NSMAF: variants seen among roughly 807,000 people sequenced by gnomAD.
NSMAF encodes protein FAN.
In NSMAF, 90 loss-of-function variants were observed where a neutral mutation model predicts 134.9. The ratio of observed to expected loss-of-function variants is 0.67; its 90% CI spans 0.56 to 0.79. The LOEUF (loss-of-function observed/expected upper bound fraction) is 0.79. Among genes scored for constraint, NSMAF ranks in the 30% least tolerant of loss-of-function variants. The pLI, the probability that NSMAF is intolerant of heterozygous loss-of-function variation, is 0.00. For synonymous variants in NSMAF, 358 were observed against 389.6 expected (o/e 0.92, Z 0.96); for missense variants, 1,010 against 1,119.0 (o/e 0.90, Z 1.39).
chr8:58,616,985 A>T (rs555748594), intron 9 of NSMAF, among the ~76,000 whole-genome samples: 1 of 152,308 alleles, frequency 6.6e-6, no homozygotes, highest in East Asian at 1.9e-4. Flanking sequence ...ATATCTAGGA[A>T]TATGTCCAAC....
intron 2 of NSMAF, among the ~76,000 whole-genome samples, chr8:58,637,680 G>A (rs1160463169): frequency 1.3e-5 from 2 of 152,078 alleles, no homozygotes; most frequent in Non-Finnish European, 2.9e-5. Context: ...ACAAAAAACA[G>A]CGTTGCATTT....
chr8:58,639,568 A>G (rs2129146898), intron 2 of NSMAF, among the ~76,000 whole-genome samples: 1 of 152,332 alleles, frequency 6.6e-6, no homozygotes, highest in Middle Eastern at 3.4e-3. Flanking sequence ...AACTAAAAAT[A>G]GAACTACCAT....
At chr8:58,592,288 G>T (rs935449141) in intron 23 of NSMAF, among the ~76,000 whole-genome samples, 1 of 151,964 alleles carries the variant, frequency 6.6e-6, no homozygotes, top group Non-Finnish European at 1.5e-5. Context: ...CAGCAGCCTG[G>T]GTTCATTTCT....
intron 6 of NSMAF, among the ~76,000 whole-genome samples, chr8:58,627,647 T>C (rs1806965877): frequency 6.6e-6 from 1 of 152,194 alleles, no homozygotes; most frequent in Non-Finnish European, 1.5e-5. Flanking sequence ...CTTATGGTTA[T>C]ACTTAACCAA....
intron 1 of NSMAF, among the ~76,000 whole-genome samples, chr8:58,655,024 A>G (rs1316003296): frequency 6.6e-6 from 1 of 151,838 alleles, no homozygotes; most frequent in African/African-American, 2.4e-5. Context: ...TTTTTAGTAG[A>G]GACAGGGTTT....
intron 1 of NSMAF, among the ~76,000 whole-genome samples, chr8:58,655,399 CT>C (rs200424193): frequency 0.15 from 21,762 of 144,740 alleles, 1,814 homozygotes; most frequent in East Asian, 0.36. Flanking sequence ...ATAGAAATGT[CT>C]TTTTTTTTTT....
Position 58,599,850 on chromosome 8 carries a change from A to T in NSMAF, c.1353T>A (p.Gly451=). ...TATTGACTAGAAAGCTCACATCATC[A>T]CCATAGAATTCTGGAATTAACTGAA... ...DFKELIPEFY[G]DDVSFLVNSL... The change falls in exon 18 of 31, where the codon GGT becomes GGA. Residue 451 remains glycine (G), a synonymous_variant. Transcript: ENST00000038176. 1 of 1,613,892 alleles carries T rather than the reference A, an allele frequency of 6.2e-7. No individual in the cohort carries two copies. Among genetic ancestry groups the T allele is most frequent in the Non-Finnish European group, 8.5e-7 (1 of 1,179,954 alleles).
chr8:58,586,082 A>T (rs1311925016), intron 28 of NSMAF, 82 bp from the exon 29 acceptor site: 1 of 1,075,334 alleles, frequency 9.3e-7, no homozygotes, highest in African/African-American at 1.5e-5. Context: ...TTCTGAGTCC[A>T]GTGGCCTAAT....
intron 16 of NSMAF, among the ~76,000 whole-genome samples, chr8:58,600,938 C>T (rs1806264909): frequency 6.6e-6 from 1 of 151,744 alleles, no homozygotes. Context: ...TCTAAATGCC[C>T]AACAATGGAG....
chr8:58,643,996 T>A (rs1697240680), intron 1 of NSMAF, among the ~76,000 whole-genome samples: 1 of 152,162 alleles, frequency 6.6e-6, no homozygotes, highest in African/African-American at 2.4e-5. Flanking sequence ...TTAAGAAAAA[T>A]TATTAATTTT....
chr8:58,610,807 G>A (rs556741637), intron 9 of NSMAF, among the ~76,000 whole-genome samples: 25 of 152,296 alleles, frequency 1.6e-4, no homozygotes, highest in African/African-American at 4.3e-4. Context: ...TCAGAAACCC[G>A]ATGGCTCAGT....
intron 7 of NSMAF, 119 bp downstream of exon 7, chr8:58,623,590 T>C: frequency 9.3e-7 from 1 of 1,070,276 alleles, no homozygotes. Context: ...ACATTTTAAG[T>C]CAATCTGCTA....
At chr8:58,619,837 T>C (rs1806742444) in intron 9 of NSMAF, among the ~76,000 whole-genome samples, 1 of 152,144 alleles carries the variant, frequency 6.6e-6, no homozygotes, top group South Asian at 2.1e-4. Context: ...CCCAGCACAA[T>C]TGCTTTTATG....
intron 9 of NSMAF, among the ~76,000 whole-genome samples, chr8:58,620,423 A>G (rs1292066674): frequency 1.3e-5 from 2 of 152,222 alleles, no homozygotes; most frequent in African/African-American, 4.8e-5. Context: ...CTAGTAGTAA[A>G]TAAGAGCTAG....
intron 6 of NSMAF, among the ~76,000 whole-genome samples, chr8:58,625,840 G>A (rs1806916931): frequency 1.3e-5 from 2 of 152,072 alleles, no homozygotes; most frequent in African/African-American, 4.8e-5. Flanking sequence ...TAGCTCATTT[G>A]TCCTCTTTTG....
At chr8:58,655,434 G>A (rs1807682348) in intron 1 of NSMAF, among the ~76,000 whole-genome samples, 1 of 147,816 alleles carries the variant, frequency 6.8e-6, no homozygotes, top group Non-Finnish European at 1.5e-5. Flanking sequence ...GGGTCTCACT[G>A]TGTCACCCAG....
intron 9 of NSMAF, among the ~76,000 whole-genome samples, chr8:58,615,327 C>G (rs1387797144): frequency 2.0e-5 from 3 of 152,126 alleles, no homozygotes; most frequent in Admixed American, 1.3e-4. Context: ...TGACCATCAA[C>G]CAGTTGGACC....
rs555335290 is a variant in NSMAF, at chr8:58,617,776, A to G, written c.557+5444T>C. Among the ~76,000 whole-genome samples the G allele has an allele frequency of 2.0e-5, 3 of 152,366 alleles. No individual in the cohort carries two copies. In the East Asian group the frequency reaches 5.8e-4, roughly 29 times the overall value. On this transcript the variant is annotated intron_variant, in intron 9 of 30. Coordinates refer to ENST00000038176, the MANE Select transcript of NSMAF (RefSeq NM_003580.4). Reference sequence around the variant, plus strand: ...GGCGATTCCTCAAGGATCTAGAACTAGAATTACCATTTCACCCAGCAATCC... The same window carrying G: ...GGCGATTCCTCAAGGATCTAGAACTGGAATTACCATTTCACCCAGCAATCC...
intron 28 of NSMAF, 22 bp downstream of exon 28, chr8:58,586,436 T>C (rs773504366): frequency 6.3e-7 from 1 of 1,592,244 alleles, no homozygotes. Context: ...GTATTATCTG[T>C]TTTAAAAAGG....
Sources: gnomAD v4.1 joint callset for allele counts (sites outside exome capture counted in the v4.1 genomes callset) on GRCh38, gnomAD v4.1.1 for gene constraint, MANE v1.5 for transcripts, NCBI Gene and HGNC (gene_info 2026-07-23, HGNC 2026-07-21) for gene names.